SCYL1: variants seen among roughly 807,000 people sequenced by gnomAD.
SCYL1 encodes N-terminal kinase-like protein.
In SCYL1, 85 loss-of-function variants were observed where a neutral mutation model predicts 94.8. The ratio of observed to expected loss-of-function variants is 0.90; its 90% confidence interval spans 0.75 to 1.07. SCYL1 has a LOEUF of 1.07. SCYL1 is among the 50% of genes least tolerant of loss of function. SCYL1 has a pLI of 0.00. For missense variants in SCYL1, 968 were observed against 1,083.3 expected (o/e 0.89, Z 1.49); for synonymous variants, 459 against 435.5 (o/e 1.05, Z -0.67).
intron 6 of SCYL1, among the ~76,000 whole-genome samples, chr11:65,530,034 T>C (rs945642004): frequency 6.6e-6 from 1 of 152,164 alleles, no homozygotes; most frequent in South Asian, 2.1e-4. Flanking sequence ...AAAGGGGGGT[T>C]AGGAGGACTA....
intron 8 of SCYL1, 22 bp from the exon 9 acceptor site, chr11:65,532,670 C>T (rs753540296): frequency 6.1e-5 from 96 of 1,574,230 alleles, no homozygotes; most frequent in Admixed American, 1.0e-4. Flanking sequence ...ACCATGTTGA[C>T]GCATCCCAAC....
rs1427307643 is a variant in SCYL1, at chr11:65,536,690, C to T, written c.1756C>T (p.Arg586Cys). 6 of 1,613,162 alleles carry T rather than the reference C, an allele frequency of 3.7e-6. No homozygotes were observed. The highest frequency in any genetic ancestry group is 5.1e-6 in the Non-Finnish European group (6 of 1,179,344). Residue 586 changes from arginine (R) to cysteine (C), a missense_variant, in exon 13 of 18, where the codon CGT (arginine) becomes TGT (cysteine). Around this residue, in one of 2 missense-constraint regions of SCYL1, gnomAD observed 474 missense variants for 463.6 expected, o/e 1.02. Coordinates refer to ENST00000270176, the MANE Select transcript of SCYL1 (RefSeq NM_020680.4). ...GVSSLTSKLI[R>C]SHPTTAPTET... is the part of the protein sequence containing the mutation. Reference sequence around the variant, plus strand: ...CTCCTCACTCACCTCCAAGCTGATCCGTTCGCACCCAACCACTGCCCCAAC... The same window carrying T: ...CTCCTCACTCACCTCCAAGCTGATCTGTTCGCACCCAACCACTGCCCCAAC...
At chr11:65,536,917 C>T in intron 13 of SCYL1, 69 bp from the exon 14 acceptor site, 5 of 1,301,172 alleles carry the variant, frequency 3.8e-6, no homozygotes, top group Non-Finnish European at 5.5e-6. Flanking sequence ...CCCAGTAGCC[C>T]CCTTCCCCTA....
chr11:65,533,939 A>G (rs1144928), intron 9 of SCYL1, among the ~76,000 whole-genome samples: 24,296 of 152,182 alleles, frequency 0.16, 2,165 homozygotes, highest in Middle Eastern at 0.26. Flanking sequence ...TACTAAAAAT[A>G]CAAAAAATGG....
chr11:65,525,590 T>C lies in SCYL1; in HGVS notation c.128T>C (p.Val43Ala). Residue 43 changes from valine (V) to alanine (A), a missense_variant, in exon 2 of 18, where the codon GTG becomes GCG. By Grantham distance (64) the Val-to-Ala change is moderately conservative (BLOSUM62 0). Coordinates refer to ENST00000270176, the MANE Select transcript of SCYL1 (RefSeq NM_020680.4). Reference protein sequence around the residue: ...RGRKKATGSPVSIFVYDVKPG... With the variant: ...RGRKKATGSPASIFVYDVKPG... ...CTCCCCTAGGCCACAGGCAGCCCCG[T>C]GTCCATCTTCGTCTATGATGTGAAG... is the stretch of plus-strand genomic sequence containing the variant. The C allele has an allele frequency of 6.2e-7, 1 of 1,612,516 alleles. No homozygotes were observed. Among genetic ancestry groups the C allele is most frequent in the African/African-American group, 1.3e-5 (1 of 75,044 alleles).
At chr11:65,529,801 G>T (rs1035825050) in intron 6 of SCYL1, among the ~76,000 whole-genome samples, 2 of 152,196 alleles carry the variant, frequency 1.3e-5, no homozygotes, top group African/African-American at 4.8e-5. Flanking sequence ...CAGCACAGGA[G>T]AGGTGCCAAA....
In SCYL1 at chr11:65,538,437, G is replaced by T. The variant is rs1428350447; in HGVS notation, c.2303-5G>T. On this transcript the variant is annotated splice_region_variant and splice_polypyrimidine_tract_variant and intron_variant, in intron 17 of 17. Transcript: ENST00000270176. Reference sequence around the variant, plus strand: ...TGAGACCGGGGCTCCCCTTCCTGACGCCAGGACAGGTCAAGGCTGAGCTGG... The same window carrying T: ...TGAGACCGGGGCTCCCCTTCCTGACTCCAGGACAGGTCAAGGCTGAGCTGG... 2 of 1,553,324 alleles carry T rather than the reference G, an allele frequency of 1.3e-6. No individual in the cohort carries two copies. The highest frequency in any genetic ancestry group is 1.2e-5 in the South Asian group (1 of 84,674).
At chr11:65,531,230 T>C (rs1039373136) in intron 7 of SCYL1, among the ~76,000 whole-genome samples, 2 of 152,110 alleles carry the variant, frequency 1.3e-5, no homozygotes, top group Non-Finnish European at 2.9e-5. Context: ...GGGAGAACCC[T>C]TTCATCTGAA....
In SCYL1 at chr11:65,535,225, A is replaced by G; in HGVS notation, c.1231-2A>G. On this transcript the variant is annotated splice_acceptor_variant, in intron 9 of 17. Coordinates refer to ENST00000270176, the MANE Select transcript of SCYL1 (RefSeq NM_020680.4). LOFTEE classifies it high-confidence loss of function. ...CAGTTCCCACTCATTTCTGCCCCAC[A>G]GTCCATGCTGCTCCTGGCCCCAAAG... The G allele has an allele frequency of 1.2e-6, 2 of 1,613,512 alleles. No homozygotes were observed. Among genetic ancestry groups the G allele is most frequent in the Non-Finnish European group, 1.7e-6 (2 of 1,179,444 alleles).
chr11:65,537,679 CAG>C (rs1422643462), intron 14 of SCYL1, 128 bp from the exon 15 acceptor site: 5 of 748,780 alleles, frequency 6.7e-6, no homozygotes, highest in Non-Finnish European at 8.5e-6. Context: ...AGATGGGAAA[CAG>C]GGCCTGAGGA....
chr11:65,538,094 G>T lies in SCYL1; in HGVS notation c.2159G>T (p.Arg720Leu). 5.6e-6 allele frequency: 9 copies of T among 1,605,610 alleles called. No individual in the cohort carries two copies. Among genetic ancestry groups the T allele is most frequent in the Non-Finnish European group, 5.9e-6 (7 of 1,176,754 alleles). The change falls in exon 16 of 18, where the codon CGG becomes CTG. Residue 720 changes from arginine to leucine, a missense_variant. Physicochemically the swap from Arg to Leu is moderately radical, Grantham distance 102. Around this residue, in one of 2 missense-constraint regions of SCYL1, gnomAD observed 474 missense variants for 463.6 expected, o/e 1.02. Coordinates refer to ENST00000270176, the MANE Select transcript of SCYL1 (RefSeq NM_020680.4). ...CAGGAGCCACCTCCTGACGGTACAC[G>T]GCTGGCCAGCGAGTATAACTGGGGT... ...SSQEPPPDGT[R>L]LASEYNWGGP...
chr11:65,537,972 C>T lies in SCYL1; in HGVS notation c.2037C>T (p.Ser679=), dbSNP rs758340167. 21 of 1,609,940 alleles carry T rather than the reference C, an allele frequency of 1.3e-5. 1 individual carries two copies. The Admixed American group carries it at 3.0e-4, about 23-fold the overall frequency. ...CCCCTCCCGCTCTTCTACAGGTCAGCAACTCCGACCACAAATCCTCCAAAT... is the reference window on the plus strand; with the variant it reads ...CCCCTCCCGCTCTTCTACAGGTCAGTAACTCCGACCACAAATCCTCCAAAT... The part of the protein sequence containing the change: ...GGQVSRASQV[S]NSDHKSSKSP... Residue 679 remains serine (S), a synonymous_variant, in exon 16 of 18, where the codon AGC becomes AGT. Transcript: ENST00000270176.
Position 65,536,585 on chromosome 11 carries a change from GAGA to G in SCYL1, c.1654_1656del (p.Lys552del). The G allele has an allele frequency of 5.6e-6, 9 of 1,614,010 alleles. No homozygotes were observed. Among genetic ancestry groups the G allele is most frequent in the Non-Finnish European group, 7.6e-6 (9 of 1,179,962 alleles). The stretch of plus-strand genomic sequence containing the variant: ...CACCTCTCTCTCATGCCACTGCCCA[GAGA>G]AGGATGTCCATGCAGCCTCCAGCCC... On this transcript the variant is annotated inframe_deletion and splice_region_variant, in exon 13 of 18. Coordinates refer to ENST00000270176, the MANE Select transcript of SCYL1 (RefSeq NM_020680.4).
In SCYL1 at chr11:65,536,157, G is replaced by GCCTGGGC. The variant is rs765388952; in HGVS notation, c.1575+24_1575+30dup. The GCCTGGGC allele has an allele frequency of 1.9e-6, 3 of 1,610,872 alleles. No individual in the cohort carries two copies. The highest frequency in any genetic ancestry group is 2.7e-5 in the African/African-American group (2 of 74,878). On this transcript the variant is annotated intron_variant, in intron 11 of 17. Transcript: ENST00000270176. Reference sequence around the variant, plus strand: ...GCGAGACCAGGTGAGGCACAGCTGGGCCTGGGCCCTGGGCTGGGGCTGTAG... The same window carrying GCCTGGGC: ...GCGAGACCAGGTGAGGCACAGCTGGGCCTGGGCCCTGGGCCCTGGGCTGGGGCTGTAG...
Position 65,532,426 on chromosome 11 carries a change from GAAAAAAAAA to G in SCYL1, c.1117-254_1117-246del, listed in dbSNP as rs398016427. 3.1e-3 allele frequency among the ~76,000 whole-genome samples: 319 copies of G among 104,202 alleles called. 2 individuals carry two copies. Among genetic ancestry groups the G allele is most frequent in the African/African-American group, 9.9e-3 (299 of 30,338 alleles). 68.4% of individuals were successfully genotyped at this position (104,202 alleles called of 152,430 possible). ...GGTGACAGAGCAAGACTCTGTCTCA[GAAAAAAAAA>G]AAAAAAAAAAATAGAAGAGGCTCTG... is the stretch of plus-strand genomic sequence containing the variant. On this transcript the variant is annotated intron_variant, in intron 8 of 17. Coordinates refer to ENST00000270176, the MANE Select transcript of SCYL1 (RefSeq NM_020680.4).
In SCYL1 at chr11:65,532,763, C is replaced by T. The variant is rs762129608; in HGVS notation, c.1188C>T (p.Gly396=). The change falls in exon 9 of 18, where the codon GGC becomes GGT. Residue 396 remains glycine (G), a synonymous_variant. Coordinates refer to ENST00000270176, the MANE Select transcript of SCYL1 (RefSeq NM_020680.4). ...AGATCTTCCCCCACGTCGTACATGG[C>T]TTCCTGGACACCAACCCTGCCATCC... ...NTQIFPHVVH[G]FLDTNPAIRE... is the part of the protein sequence containing the mutation. The T allele has an allele frequency of 6.2e-7, 1 of 1,614,160 alleles. No individual in the cohort carries two copies. Among genetic ancestry groups the T allele is most frequent in the East Asian group, 2.2e-5 (1 of 44,882 alleles).
In SCYL1 at chr11:65,538,254, A is replaced by G; in HGVS notation, c.2248-16A>G. The G allele has an allele frequency of 6.4e-7, 1 of 1,553,768 alleles. No individual in the cohort carries two copies. The highest frequency in any genetic ancestry group is 8.7e-7 in the Non-Finnish European group (1 of 1,148,244). On this transcript the variant is annotated splice_polypyrimidine_tract_variant and intron_variant, in intron 16 of 17. Coordinates refer to ENST00000270176, the MANE Select transcript of SCYL1 (RefSeq NM_020680.4). ...CCAGAAGTGGGCCCCACTGCAGCCC[A>G]CACTTCTCTTTACAGCCGAGGCCAG...
chr11:65,527,343 G>A (rs906461928), intron 6 of SCYL1, among the ~76,000 whole-genome samples: 1 of 152,118 alleles, frequency 6.6e-6, no homozygotes, highest in African/African-American at 2.4e-5. Context: ...ATCCGAAAAT[G>A]CATGATCTAC....
At chr11:65,527,963 G>T (rs552237978) in intron 6 of SCYL1, among the ~76,000 whole-genome samples, 1 of 152,126 alleles carries the variant, frequency 6.6e-6, no homozygotes, top group African/African-American at 2.4e-5. Context: ...GTCACTCCAC[G>T]TGTACATTCT....
Sources: allele counts gnomAD v4.1 joint callset (sites outside exome capture counted in the v4.1 genomes callset), GRCh38; gene constraint gnomAD v4.1.1; regional missense constraint gnomAD v4.1.1; transcripts MANE v1.5; gene names NCBI Gene and HGNC (gene_info 2026-07-23, HGNC 2026-07-21).